Variants in SLC4A10 observed in about 807,000 individuals in gnomAD.
SLC4A10 encodes solute carrier family 4 member 10, also known as sodium-driven chloride bicarbonate exchanger.
A neutral mutation model predicts 137.7 loss-of-function variants in SLC4A10; 42 were observed. The ratio of observed to expected loss-of-function variants is 0.30; its 90% confidence interval spans 0.24 to 0.39. The LOEUF is 0.39. SLC4A10 is among the 10% of genes least tolerant of loss of function. The pLI is 1.00. For synonymous variants in SLC4A10, 474 were observed against 464.1 expected, an observed-to-expected ratio of 1.02 and a Z score of -0.27; for missense variants, 925 against 1,355.0, an observed-to-expected ratio of 0.68 and a Z score of 4.98.
At chr2:161,635,756 A>G (rs1385476594) in intron 1 of SLC4A10, among the ~76,000 whole-genome samples, 2 of 152,108 alleles carry the variant, frequency 1.3e-5, no homozygotes, top group Non-Finnish European at 2.9e-5. Context: ...TGTTAGCTGA[A>G]GTATTGGTTA....
chr2:161,704,346 A>G (rs1559069729), intron 1 of SLC4A10, among the ~76,000 whole-genome samples: 1 of 151,728 alleles, frequency 6.6e-6, no homozygotes, highest in Non-Finnish European at 1.5e-5. Context: ...GCACAGAAGG[A>G]ATGATTTTTT....
intron 1 of SLC4A10, among the ~76,000 whole-genome samples, chr2:161,756,324 A>G (rs1193308244): frequency 2.0e-5 from 3 of 152,218 alleles, no homozygotes; most frequent in Non-Finnish European, 4.4e-5. Flanking sequence ...GAATTAAACT[A>G]TATGATATTA....
rs139832226 is a variant in SLC4A10 at position 161,810,991 on chromosome 2, G to C, written c.277+6396G>C. ...TAGAATTCAGCTGTGAATCCGCCTG[G>C]TTCAGGGCTTTTTTTGGTTGGTAGG... On this transcript the variant is annotated intron_variant, in intron 3 of 26. Transcript: ENST00000446997. 5.9e-5 allele frequency among the ~76,000 whole-genome samples: 9 copies of C among 152,056 alleles called. No homozygotes were observed. In the East Asian group the frequency reaches 1.7e-3, roughly 29 times the overall value.
chr2:161,641,869 A>G (rs1161909759), intron 1 of SLC4A10, among the ~76,000 whole-genome samples: 1 of 152,034 alleles, frequency 6.6e-6, no homozygotes, highest in Non-Finnish European at 1.5e-5. Context: ...AAGCTGCCTC[A>G]TAATTCAGGA....
chr2:161,764,990 G>A (rs990449791), intron 1 of SLC4A10, among the ~76,000 whole-genome samples: 12 of 152,154 alleles, frequency 7.9e-5, no homozygotes, highest in South Asian at 2.1e-4. Flanking sequence ...GATTTCTGTC[G>A]GATTAGTTAC....
chr2:161,832,863 C>A (rs2058520982), intron 3 of SLC4A10, among the ~76,000 whole-genome samples: 1 of 152,164 alleles, frequency 6.6e-6, no homozygotes, highest in Non-Finnish European at 1.5e-5. Context: ...GCCTCTGCCT[C>A]CCGAATAGCT....
At chr2:161,792,982 T>C (rs754601539) in intron 2 of SLC4A10, among the ~76,000 whole-genome samples, 1 of 152,116 alleles carries the variant, frequency 6.6e-6, no homozygotes, top group Non-Finnish European at 1.5e-5. Flanking sequence ...ATGATGTTCT[T>C]GGTTTGGGGG....
intron 3 of SLC4A10, among the ~76,000 whole-genome samples, chr2:161,834,372 A>T (rs2058628154): frequency 6.6e-6 from 1 of 152,066 alleles, no homozygotes; most frequent in African/African-American, 2.4e-5. Context: ...TTTGGGTATG[A>T]TAGAGGATGG....
At chr2:161,813,613 G>A (rs547494578) in intron 3 of SLC4A10, among the ~76,000 whole-genome samples, 3 of 152,246 alleles carry the variant, frequency 2.0e-5, no homozygotes, top group East Asian at 1.9e-4. Context: ...ATAGTTAGCA[G>A]AGATGCCCTC....
intron 15 of SLC4A10, among the ~76,000 whole-genome samples, chr2:161,941,651 G>T (rs1472049506): frequency 6.6e-6 from 1 of 152,158 alleles, no homozygotes; most frequent in Non-Finnish European, 1.5e-5. Context: ...AGGAATGCTA[G>T]CCAGTTGCTG....
intron 1 of SLC4A10, among the ~76,000 whole-genome samples, chr2:161,665,191 T>C (rs972703680): frequency 6.6e-6 from 1 of 151,808 alleles, no homozygotes; most frequent in Non-Finnish European, 1.5e-5. Flanking sequence ...ATGGAATTGA[T>C]GATAAATGAA....
Position 161,928,550 on chromosome 2 carries a change from A to G in SLC4A10, c.1998-14242A>G, listed in dbSNP as rs183636320. On this transcript the variant is annotated intron_variant, in intron 15 of 26. Coordinates refer to ENST00000446997, the MANE Select transcript of SLC4A10 (RefSeq NM_001178015.2). The stretch of plus-strand genomic sequence containing the variant: ...TAACAGAATAAAAAAAGTATAATAT[A>G]TAATAAAAATATCTTGAAAATTAAA... Among the ~76,000 whole-genome samples the G allele has an allele frequency of 1.2e-3, 187 of 150,572 alleles. 1 individual carries two copies. The highest frequency in any genetic ancestry group is 4.4e-3 in the African/African-American group (181 of 41,218).
intron 1 of SLC4A10, among the ~76,000 whole-genome samples, chr2:161,688,419 C>T (rs1486168416): frequency 1.3e-5 from 2 of 151,998 alleles, no homozygotes; most frequent in African/African-American, 4.8e-5. Context: ...GTTATTGACC[C>T]AAATGGAGTC....
intron 1 of SLC4A10, chr2:161,651,113 C>T (rs6432698): frequency 0.87 from 133,006 of 152,622 alleles, 58,585 homozygotes; most frequent in East Asian, 1. Flanking sequence ...AACCCCACCC[C>T]GCCTCCGGAC....
At chr2:161,958,788 G>C (rs780828644) in intron 21 of SLC4A10, among the ~76,000 whole-genome samples, 1 of 152,082 alleles carries the variant, frequency 6.6e-6, no homozygotes, top group Admixed American at 6.5e-5. Context: ...ACTGTAAGAG[G>C]CTTAGATTTT....
intron 15 of SLC4A10, among the ~76,000 whole-genome samples, chr2:161,918,986 C>T (rs963471449): frequency 2.0e-5 from 3 of 152,174 alleles, no homozygotes; most frequent in African/African-American, 7.2e-5. Context: ...CCTGGAAAGC[C>T]CCCTCCCCCC....
chr2:161,624,702 C>A lies in SLC4A10; in HGVS notation c.48+136C>A, dbSNP rs946989955. The A allele has an allele frequency of 4.2e-6, 5 of 1,198,302 alleles. No individual in the cohort carries two copies. In the African/African-American group the frequency reaches 4.6e-5, roughly 11 times the overall value. The allele number at this position is 1,198,302 out of a possible 1,614,324, so 74.2% of individuals were successfully genotyped here. ...TCCTACGACATATGGACAGGGGTCT[C>A]CTCCCATCTTGGGAGACTGAAATGC... On this transcript the variant is annotated intron_variant, in intron 1 of 26. Coordinates refer to ENST00000446997, the MANE Select transcript of SLC4A10 (RefSeq NM_001178015.2).
intron 1 of SLC4A10, among the ~76,000 whole-genome samples, chr2:161,677,614 G>T (rs1339509622): frequency 6.6e-6 from 1 of 152,114 alleles, no homozygotes; most frequent in Non-Finnish European, 1.5e-5. Flanking sequence ...GTAAATTTTT[G>T]GACAAGTAGT....
At chr2:161,832,115 A>C (rs1257835753) in intron 3 of SLC4A10, among the ~76,000 whole-genome samples, 1 of 152,124 alleles carries the variant, frequency 6.6e-6, no homozygotes, top group Non-Finnish European at 1.5e-5. Flanking sequence ...ATTATGAAAG[A>C]CCTGAGTTCC....
Sources: allele counts gnomAD v4.1 joint callset (sites outside exome capture counted in the v4.1 genomes callset), GRCh38; gene constraint gnomAD v4.1.1; transcripts MANE v1.5; gene names NCBI Gene and HGNC (gene_info 2026-07-23, HGNC 2026-07-21).